AP1AR: variants seen among roughly 807,000 people sequenced by gnomAD.
AP1AR encodes the protein adaptor related protein complex 1 associated regulatory protein, also known as AP-1 complex-associated regulatory protein.
A neutral mutation model predicts 46.3 loss-of-function variants in AP1AR; 29 were observed. The observed-to-expected ratio is 0.63, with a 90% CI of 0.47 to 0.85. The LOEUF is 0.85. Ranked by LOEUF, AP1AR falls within the 40% of genes least tolerant of loss-of-function variation. The probability of loss-of-function intolerance (pLI) is 0.00; values close to 1 mark genes in which losing one functional copy is unlikely to be tolerated. For synonymous variants in AP1AR, 122 were observed against 122.9 expected, an observed-to-expected ratio of 0.99 and a Z score of 0.05; for missense variants, 357 against 356.3, an observed-to-expected ratio of 1.00 and a Z score of -0.02.
intron 1 of AP1AR, among the ~76,000 whole-genome samples, chr4:112,235,585 C>T (rs1725203215): frequency 6.6e-6 from 1 of 152,082 alleles, no homozygotes; most frequent in East Asian, 1.9e-4. Flanking sequence ...TCACTTATTC[C>T]TCCCCGCAAT....
Position 112,272,665 on chromosome 4 carries a change from A to T in AP1AR, c.*4256A>T, listed in dbSNP as rs1727003148. Among the ~76,000 whole-genome samples the T allele has an allele frequency of 6.6e-6, 1 of 152,186 alleles. No individual in the cohort carries two copies. Among genetic ancestry groups the T allele is most frequent in the Admixed American group, 6.5e-5 (1 of 15,284 alleles). ...TTTGACGTCCCCCTTCGTTCCATCC[A>T]AGTGTACTTTTTTTTGCTTCAATAA... On this transcript the variant is annotated 3_prime_UTR_variant, in exon 10 of 10. Coordinates refer to ENST00000274000, the MANE Select transcript of AP1AR (RefSeq NM_018569.6).
chr4:112,261,138 G>C (rs181717400), intron 5 of AP1AR, among the ~76,000 whole-genome samples: 16 of 152,262 alleles, frequency 1.1e-4, no homozygotes, highest in Admixed American at 3.3e-4. Flanking sequence ...TATGCACCTT[G>C]GTATTTAAAA....
At chr4:112,267,708 A>G (rs968762132) in intron 9 of AP1AR, among the ~76,000 whole-genome samples, 2 of 152,010 alleles carry the variant, frequency 1.3e-5, no homozygotes, top group African/African-American at 4.8e-5. Context: ...TATATGTCAC[A>G]TTAACTGGAA....
chr4:112,244,952 A>G (rs1039468734), intron 1 of AP1AR, among the ~76,000 whole-genome samples: 2 of 152,216 alleles, frequency 1.3e-5, no homozygotes, highest in Non-Finnish European at 2.9e-5. Flanking sequence ...TTTGCATAAT[A>G]GAATCTTAGA....
Position 112,269,017 on chromosome 4 carries a change from C to G in AP1AR, c.*608C>G, listed in dbSNP as rs941161408. 55 of 150,564 alleles carry G rather than the reference C, an allele frequency of 3.7e-4. No individual in the cohort carries two copies. Among genetic ancestry groups the G allele is most frequent in the African/African-American group, 1.3e-3 (54 of 41,056 alleles). The allele number at this position is 150,564 out of a possible 1,614,324, so 9.3% of individuals were successfully genotyped here. On this transcript the variant is annotated 3_prime_UTR_variant, in exon 10 of 10. Transcript: ENST00000274000. ...TATGATAATGTTGATTCAATCTGAA[C>G]AAAAGATAATATAAAAATAACCCTT...
rs1424479337 is a variant in AP1AR, at chr4:112,272,040, G to T, written c.*3631G>T. 6.6e-6 allele frequency among the ~76,000 whole-genome samples: 1 copy of T among 152,150 alleles called. No homozygotes were observed. The highest frequency in any genetic ancestry group is 2.4e-5 in the African/African-American group (1 of 41,426). ...ACAATAGCAAATGCTTTGAAAAGAG[G>T]TCCGCTGCTTTAGTTGCATTTGGAG... On this transcript the variant is annotated 3_prime_UTR_variant, in exon 10 of 10. Coordinates refer to ENST00000274000, the MANE Select transcript of AP1AR (RefSeq NM_018569.6).
chr4:112,255,472 G>T (rs1444569074), intron 3 of AP1AR, among the ~76,000 whole-genome samples: 2 of 152,124 alleles, frequency 1.3e-5, no homozygotes, highest in Admixed American at 6.5e-5. Context: ...ATCTCGCTAT[G>T]TTGCCCAGGC....
chr4:112,256,460 A>G (rs1412407547), intron 3 of AP1AR, among the ~76,000 whole-genome samples: 1 of 152,202 alleles, frequency 6.6e-6, no homozygotes, highest in Non-Finnish European at 1.5e-5. Context: ...AACACTTTTC[A>G]AGAGAACTCG....
In AP1AR at chr4:112,261,826, C is replaced by T. The variant is rs116531149; in HGVS notation, c.282+964C>T. Among the ~76,000 whole-genome samples the T allele has an allele frequency of 3.6e-3, 548 of 151,508 alleles. 5 individuals are homozygous for T. Among genetic ancestry groups the T allele is most frequent in the African/African-American group, 0.013 (531 of 41,290 alleles). ...TCTAAAAAAAAATACAAAAATTAGC[C>T]GGGTATGGTAGCATGCACCTATAGT... On this transcript the variant is annotated intron_variant, in intron 5 of 9. Coordinates refer to ENST00000274000, the MANE Select transcript of AP1AR (RefSeq NM_018569.6).
chr4:112,266,984 G>A (rs1726737306), intron 9 of AP1AR, among the ~76,000 whole-genome samples: 1 of 151,858 alleles, frequency 6.6e-6, no homozygotes, highest in East Asian at 1.9e-4. Flanking sequence ...ACATTACTCA[G>A]TATGAAGGAT....
At position 112,270,933 on chromosome 4, in the gene AP1AR, A is replaced by G. The variant is rs1230717205; in HGVS notation, c.*2524A>G. ...AGAGAATGGATTGTAAGAAGGCAAGAGTGGATATATAGCACTCCCAATGGA... is the reference window on the plus strand; with the variant it reads ...AGAGAATGGATTGTAAGAAGGCAAGGGTGGATATATAGCACTCCCAATGGA... On this transcript the variant is annotated 3_prime_UTR_variant, in exon 10 of 10. Transcript: ENST00000274000. Among the ~76,000 whole-genome samples the G allele has an allele frequency of 6.6e-6, 1 of 152,242 alleles. No homozygotes were observed. Among genetic ancestry groups the G allele is most frequent in the African/African-American group, 2.4e-5 (1 of 41,470 alleles).
intron 1 of AP1AR, among the ~76,000 whole-genome samples, chr4:112,236,884 T>C (rs932352230): frequency 3.3e-5 from 5 of 152,212 alleles, no homozygotes; most frequent in Non-Finnish European, 5.9e-5. Context: ...AAGAATAACA[T>C]TAAAGCTATT....
Position 112,260,806 on chromosome 4 carries a change from C to T in AP1AR, c.226C>T (p.His76Tyr). ...AGAAATTGTTGACCTAAGAGAAAGG[C>T]ATTATGATTCCATTGCCGAAAAACA... ...EEEIVDLRERHYDSIAEKQKD... is the reference protein window; with the variant it reads ...EEEIVDLRERYYDSIAEKQKD... The change falls in exon 5 of 10, where the codon CAT (histidine) becomes TAT (tyrosine). Residue 76 changes from histidine (H) to tyrosine (Y), a missense_variant. Physicochemically the swap from His to Tyr is moderately conservative, Grantham distance 83. Around this residue, in one of 2 missense-constraint regions of AP1AR, gnomAD observed 269 missense variants for 223.6 expected, o/e 1.20. Coordinates refer to ENST00000274000, the MANE Select transcript of AP1AR (RefSeq NM_018569.6). The T allele has an allele frequency of 6.2e-7, 1 of 1,606,658 alleles. No homozygotes were observed. The highest frequency in any genetic ancestry group is 8.5e-7 in the Non-Finnish European group (1 of 1,177,058).
chr4:112,249,930 T>C (rs1392363492), intron 1 of AP1AR, among the ~76,000 whole-genome samples: 2 of 152,246 alleles, frequency 1.3e-5, no homozygotes, highest in African/African-American at 4.8e-5. Flanking sequence ...TTTATCTATG[T>C]GTTTATTATC....
At position 112,269,480 on chromosome 4, in the gene AP1AR, GA is replaced by G. The variant is rs1209140894; in HGVS notation, c.*1075del. The G allele has an allele frequency of 6.6e-6, 1 of 152,382 alleles. No individual in the cohort carries two copies. The highest frequency in any genetic ancestry group is 1.5e-5 in the Non-Finnish European group (1 of 67,892). The allele number at this position is 152,382 out of a possible 1,614,324, so 9.4% of individuals were successfully genotyped here. Reference sequence around the variant, plus strand: ...ATGTCAATTTACAAGGCCAGGGATAGAAAACACTCCATAATTGCTTTCCTTG... The same window carrying G: ...ATGTCAATTTACAAGGCCAGGGATAGAAACACTCCATAATTGCTTTCCTTG... On this transcript the variant is annotated 3_prime_UTR_variant, in exon 10 of 10. Transcript: ENST00000274000.
chr4:112,257,005 G>A (rs1299662916), intron 3 of AP1AR, among the ~76,000 whole-genome samples: 1 of 152,032 alleles, frequency 6.6e-6, no homozygotes, highest in Admixed American at 6.6e-5. Context: ...CATTAACTTT[G>A]AACTCACAGC....
intron 1 of AP1AR, among the ~76,000 whole-genome samples, chr4:112,246,833 A>G (rs932101609): frequency 1.8e-4 from 28 of 152,236 alleles, no homozygotes; most frequent in Non-Finnish European, 7.3e-5. Flanking sequence ...TCCTTGAACC[A>G]GGGGACTTTT....
chr4:112,263,028 C>G lies in AP1AR; in HGVS notation c.323C>G (p.Ala108Gly). 6.2e-7 allele frequency: 1 copy of G among 1,613,802 alleles called. No homozygotes were observed. The highest frequency in any genetic ancestry group is 8.5e-7 in the Non-Finnish European group (1 of 1,179,840). The change falls in exon 6 of 10, where the codon GCT (alanine) becomes GGT (glycine). Residue 108 changes from alanine to glycine, a missense_variant. Ala to Gly is a moderately conservative substitution (Grantham distance 60, BLOSUM62 0). This residue lies in a region of AP1AR where 269 missense variants were observed against 223.6 expected (regional missense o/e 1.20). Coordinates refer to ENST00000274000, the MANE Select transcript of AP1AR (RefSeq NM_018569.6). ...GAGAAGTTAAGACTAGAAGAAGAAG[C>G]TTTATACGCTGCACAGCGTGAAGCA... The part of the protein sequence containing the change: ...QEEKLRLEEE[A>G]LYAAQREAAR...
In AP1AR at chr4:112,269,681, T is replaced by A. The variant is rs1197561239; in HGVS notation, c.*1272T>A. On this transcript the variant is annotated 3_prime_UTR_variant, in exon 10 of 10. Coordinates refer to ENST00000274000, the MANE Select transcript of AP1AR (RefSeq NM_018569.6). ...TTGCTGTGCTTAAAAAAAAAAATCATGTGGCCCTTTCAATATTTGAACTGC... is the reference window on the plus strand; with the variant it reads ...TTGCTGTGCTTAAAAAAAAAAATCAAGTGGCCCTTTCAATATTTGAACTGC... 6.6e-6 allele frequency: 1 copy of A among 152,342 alleles called. No individual in the cohort carries two copies. Among genetic ancestry groups the A allele is most frequent in the African/African-American group, 2.4e-5 (1 of 41,412 alleles). 9.4% of individuals were successfully genotyped at this position (152,342 alleles called of 1,614,324 possible).
Sources: gnomAD v4.1 joint callset for allele counts (sites outside exome capture counted in the v4.1 genomes callset) on GRCh38, gnomAD v4.1.1 for gene constraint, gnomAD v4.1.1 regional missense constraint, MANE v1.5 for transcripts, NCBI Gene and HGNC (gene_info 2026-07-23, HGNC 2026-07-21) for gene names.